STK3: variants seen among roughly 807,000 people sequenced by gnomAD.
The protein encoded by STK3 is serine/threonine kinase 3, also known as serine/threonine-protein kinase 3.
In STK3, 41 loss-of-function variants were observed where a neutral mutation model predicts 58.0. The observed-to-expected ratio is 0.71, with a 90% CI of 0.55 to 0.92. The LOEUF is 0.92. Ranked by LOEUF, STK3 falls within the 40% of genes least tolerant of loss-of-function variation. The pLI, the probability that STK3 is intolerant of heterozygous loss-of-function variation, is 0.00. For synonymous variants in STK3, 170 were observed against 191.0 expected (o/e 0.89, Z 0.91); for missense variants, 479 against 602.7 (o/e 0.79, Z 2.15).
chr8:98,396,508 T>C (rs1322496491), downstream of STK3, among the ~76,000 whole-genome samples: 2 of 152,206 alleles, frequency 1.3e-5, no homozygotes, highest in African/African-American at 2.4e-5. Flanking sequence ...CCCTGCAGCA[T>C]GGTAGGCAGG....
intron 3 of STK3, among the ~76,000 whole-genome samples, chr8:98,865,914 G>A (rs1363907982): frequency 6.6e-6 from 1 of 152,244 alleles, no homozygotes; most frequent in African/African-American, 2.4e-5. Flanking sequence ...ACATGGGGCT[G>A]CCCCAGACTG....
At chr8:98,851,351 G>T (rs1836461341) in intron 3 of STK3, among the ~76,000 whole-genome samples, 1 of 152,212 alleles carries the variant, frequency 6.6e-6, no homozygotes, top group South Asian at 2.1e-4. Context: ...GCCCACGCTA[G>T]TATAGAGAAA....
At chr8:98,856,434 G>C (rs1380571438) in intron 3 of STK3, among the ~76,000 whole-genome samples, 1 of 152,056 alleles carries the variant, frequency 6.6e-6, no homozygotes, top group Non-Finnish European at 1.5e-5. Context: ...CAAATAAATG[G>C]CCAATAAGCA....
chr8:98,825,779 CCCCGCCCCGCCCCCG>C (rs1564039624), upstream of STK3: 9 of 87,782 alleles, frequency 1.0e-4, no homozygotes, highest in African/African-American at 3.5e-4. Context: ...CCCCCGGCCG[CCCCGCCCCGCCCCCG>C]GCCGCCCCGC....
rs1435206587 is a variant in STK3 at position 98,547,004 on chromosome 8, C to T, written c.1141+965G>A. Among the ~76,000 whole-genome samples, 3 of 151,942 alleles carry T rather than the reference C, an allele frequency of 2.0e-5. No individual in the cohort carries two copies. The East Asian group carries it at 5.8e-4, about 29-fold the overall frequency. ...GGAGTAGCAAAAAGAAAAGGGTGGG[C>T]AAAAAGGAAATGGAAGTATCTGAGA... is the stretch of plus-strand genomic sequence containing the variant. On this transcript the variant is annotated intron_variant, in intron 9 of 10. Transcript: ENST00000419617.
At chr8:98,767,522 A>C (rs1331491510) in intron 2 of STK3, among the ~76,000 whole-genome samples, 151 bp from the exon 3 acceptor site, 1 of 152,248 alleles carries the variant, frequency 6.6e-6, no homozygotes, top group African/African-American at 2.4e-5. Flanking sequence ...ACAATTTTAA[A>C]AGGTAATGAA....
chr8:98,801,234 A>G (rs971551170), intron 1 of STK3, among the ~76,000 whole-genome samples: 2 of 152,176 alleles, frequency 1.3e-5, no homozygotes, highest in African/African-American at 4.8e-5. Flanking sequence ...CGCACCAATC[A>G]GCACCCTATC....
chr8:98,346,586 C>T, the STK3 span, among the ~76,000 whole-genome samples: 1 of 151,750 alleles, frequency 6.6e-6, no homozygotes, highest in Admixed American at 6.6e-5. Context: ...ATCATAAAAT[C>T]ATCCAGAGAT....
chr8:98,814,149 G>T (rs1237736535), intron 1 of STK3, among the ~76,000 whole-genome samples: 2 of 152,036 alleles, frequency 1.3e-5, no homozygotes, highest in Non-Finnish European at 2.9e-5. Flanking sequence ...CTCCTGGGTT[G>T]AAGCAATTCT....
upstream of STK3, among the ~76,000 whole-genome samples, chr8:98,392,842 A>G (rs1218421225): frequency 6.6e-6 from 1 of 152,218 alleles, no homozygotes; most frequent in Non-Finnish European, 1.5e-5. Context: ...AAAGGTAGGC[A>G]CAGAAACCAC....
intron 3 of STK3, among the ~76,000 whole-genome samples, chr8:98,837,083 A>G (rs1023311522): frequency 6.6e-6 from 1 of 152,216 alleles, no homozygotes; most frequent in South Asian, 2.1e-4. Flanking sequence ...GACCTTGTGG[A>G]CCCCTTGAAA....
intron 3 of STK3, among the ~76,000 whole-genome samples, chr8:98,854,922 T>G (rs1836613356): frequency 6.6e-6 from 1 of 152,268 alleles, no homozygotes; most frequent in East Asian, 1.9e-4. Flanking sequence ...CCAGGCGTGG[T>G]GGTGTGCACC....
intron 1 of STK3, among the ~76,000 whole-genome samples, chr8:98,385,113 GA>G (rs1563589184): frequency 4.6e-5 from 7 of 152,116 alleles, no homozygotes. Flanking sequence ...CCCCAGGAGA[GA>G]AATATTTCCC....
chr8:98,767,536 T>C (rs933461892), intron 2 of STK3, among the ~76,000 whole-genome samples, 165 bp from the exon 3 acceptor site: 1 of 152,258 alleles, frequency 6.6e-6, no homozygotes, highest in Non-Finnish European at 1.5e-5. Flanking sequence ...TAATGAATTA[T>C]ATCTTAGCTT....
intron 6 of STK3, among the ~76,000 whole-genome samples, chr8:98,614,784 C>T (rs991085211): frequency 2.1e-4 from 32 of 152,308 alleles, no homozygotes; most frequent in Non-Finnish European, 3.8e-4. Flanking sequence ...GAGACTATAT[C>T]CCACACCTGG....
intron 2 of STK3, among the ~76,000 whole-genome samples, chr8:98,375,282 A>AAC (rs1554585406): frequency 1.8e-4 from 22 of 121,204 alleles, no homozygotes; most frequent in African/African-American, 6.2e-4. Context: ...AAAAAAAAAC[A>AAC]AAAAAAAAAA....
chr8:98,748,344 C>G (rs1254542540), intron 4 of STK3, among the ~76,000 whole-genome samples: 2 of 152,126 alleles, frequency 1.3e-5, no homozygotes, highest in Admixed American at 1.3e-4. Context: ...ATCACTTAAT[C>G]TACTCTGTCA....
At chr8:98,664,334 C>T (rs943665938) in intron 6 of STK3, among the ~76,000 whole-genome samples, 1 of 152,096 alleles carries the variant, frequency 6.6e-6, no homozygotes, top group African/African-American at 2.4e-5. Flanking sequence ...CAGATGCTAC[C>T]CCGGTCTGGG....
chr8:98,444,947 T>TA (rs750347675), intron 1 of STK3, among the ~76,000 whole-genome samples: 2 of 152,192 alleles, frequency 1.3e-5, no homozygotes, highest in Non-Finnish European at 2.9e-5. Context: ...CATGCTTCCC[T>TA]ATGGGTGCCA....
Sources: allele counts gnomAD v4.1 joint callset (sites outside exome capture counted in the v4.1 genomes callset), GRCh38; gene constraint gnomAD v4.1.1; transcripts MANE v1.5; gene names NCBI Gene and HGNC (gene_info 2026-07-23, HGNC 2026-07-21).